EYA2: variants seen among roughly 807,000 people sequenced by gnomAD.
EYA2 encodes protein phosphatase EYA2.
A neutral mutation model predicts 69.2 loss-of-function variants in EYA2; 31 were observed. The ratio of observed to expected loss-of-function variants is 0.45; its 90% CI spans 0.34 to 0.60. The LOEUF (loss-of-function observed/expected upper bound fraction) is 0.60, where lower values mean the gene tolerates loss of function less well. Ranked by LOEUF, EYA2 falls within the 20% of genes least tolerant of loss-of-function variation. EYA2 has a pLI of 0.02. For missense variants in EYA2, 622 were observed against 701.2 expected (o/e 0.89, Z 1.28); for synonymous variants, 257 against 279.4 (o/e 0.92, Z 0.80).
Position 46,983,700 on chromosome 20 carries a change from A to C in EYA2, c.-10-6301A>C, listed in dbSNP as rs76030143. On this transcript the variant is annotated intron_variant, in intron 1 of 15. Transcript: ENST00000327619. Reference sequence around the variant, plus strand: ...ACCTCTGTGGTTCTCATATTTCTACAATCTTTGCTCCTGTGTCCTAACTAC... The same window carrying C: ...ACCTCTGTGGTTCTCATATTTCTACCATCTTTGCTCCTGTGTCCTAACTAC... 9.5e-3 allele frequency among the ~76,000 whole-genome samples: 1,442 copies of C among 152,254 alleles called. 27 individuals carry two copies. The highest frequency in any genetic ancestry group is 0.033 in the African/African-American group (1,363 of 41,526).
intron 9 of EYA2, among the ~76,000 whole-genome samples, chr20:47,122,374 A>G (rs1007241811): frequency 8.8e-5 from 13 of 148,536 alleles, no homozygotes; most frequent in African/African-American, 3.3e-4. Context: ...GCTCACTGCA[A>G]GCTCTGCCTG....
chr20:47,181,289 C>A (rs536392149), intron 14 of EYA2, among the ~76,000 whole-genome samples: 1 of 152,154 alleles, frequency 6.6e-6, no homozygotes, highest in African/African-American at 2.4e-5. Flanking sequence ...TGACCCTGTC[C>A]TCAGAGACAT....
At chr20:46,929,934 C>A (rs6066122) in intron 1 of EYA2, among the ~76,000 whole-genome samples, 11 of 152,176 alleles carry the variant, frequency 7.2e-5, no homozygotes, top group Admixed American at 3.9e-4. Context: ...AAAATGACCC[C>A]TCTGTAAAAG....
chr20:46,945,139 C>T (rs771526969), intron 1 of EYA2, among the ~76,000 whole-genome samples: 42 of 151,594 alleles, frequency 2.8e-4, no homozygotes, highest in Non-Finnish European at 5.4e-4. Context: ...GGTTGCAGTT[C>T]GCAATAGGAA....
chr20:47,029,297 C>G (rs1984270708), intron 5 of EYA2, among the ~76,000 whole-genome samples: 2 of 152,360 alleles, frequency 1.3e-5, no homozygotes, highest in African/African-American at 4.8e-5. Flanking sequence ...TGAAGTTGAA[C>G]AAGGGCTCAG....
At chr20:47,175,881 T>C (rs2034417189) in intron 12 of EYA2, among the ~76,000 whole-genome samples, 1 of 152,176 alleles carries the variant, frequency 6.6e-6, no homozygotes, top group African/African-American at 2.4e-5. Flanking sequence ...CTAGAGTTGA[T>C]AGACTAATGA....
chr20:46,943,190 G>C (rs1332962400), intron 1 of EYA2, among the ~76,000 whole-genome samples: 1 of 152,218 alleles, frequency 6.6e-6, no homozygotes, highest in Non-Finnish European at 1.5e-5. Flanking sequence ...CGTGCTGCGG[G>C]CGCCTAGTGG....
At chr20:46,931,483 C>T (rs1985664332) in intron 1 of EYA2, among the ~76,000 whole-genome samples, 1 of 152,196 alleles carries the variant, frequency 6.6e-6, no homozygotes, top group African/African-American at 2.4e-5. Context: ...ACCTCTTTGG[C>T]TCTCAGTTTT....
At chr20:46,942,109 T>G (rs1986179344) in intron 1 of EYA2, among the ~76,000 whole-genome samples, 1 of 152,186 alleles carries the variant, frequency 6.6e-6, no homozygotes, top group Admixed American at 6.5e-5. Flanking sequence ...TGTTACTGAG[T>G]TCTTATTAGT....
intron 5 of EYA2, among the ~76,000 whole-genome samples, chr20:47,019,095 C>T (rs1046581749): frequency 1.3e-5 from 2 of 152,306 alleles, no homozygotes; most frequent in Admixed American, 6.5e-5. Context: ...GCCAGGCAGT[C>T]GCCCAGGCAC....
At position 47,005,002 on chromosome 20, in the gene EYA2, G is replaced by A. The variant is rs758696730; in HGVS notation, c.216G>A (p.Thr72=). The A allele has an allele frequency of 7.2e-5, 117 of 1,613,940 alleles. No individual in the cohort carries two copies. Among genetic ancestry groups the A allele is most frequent in the Non-Finnish European group, 7.8e-5 (92 of 1,179,994 alleles). ...CAGCCATGGCAGCCTACGGCCAGACGCAGTACAGTGCGGGGATCCAGCAGG... is the reference window on the plus strand; with the variant it reads ...CAGCCATGGCAGCCTACGGCCAGACACAGTACAGTGCGGGGATCCAGCAGG... ...PSTAMAAYGQ[T]QYSAGIQQAT... The change falls in exon 4 of 16, where the codon ACG becomes ACA. Residue 72 remains threonine, a synonymous_variant. Coordinates refer to ENST00000327619, the MANE Select transcript of EYA2 (RefSeq NM_005244.5).
At position 46,971,108 on chromosome 20, in the gene EYA2, T is replaced by C. The variant is rs993229133; in HGVS notation, c.-10-18893T>C. Among the ~76,000 whole-genome samples, 49 of 126,290 alleles carry C rather than the reference T, an allele frequency of 3.9e-4. 1 individual carries two copies. The East Asian group carries it at 6.7e-3, about 17-fold the overall frequency. 82.9% of individuals were successfully genotyped at this position (126,290 alleles called of 152,430 possible). A position where few individuals can be genotyped will look rare whatever the true frequency, so the allele number is the denominator to read the frequency against. The stretch of plus-strand genomic sequence containing the variant: ...ACACACACACACACACACACACACA[T>C]GCACACACACGTAAATGCACTGAAG... On this transcript the variant is annotated intron_variant, in intron 1 of 15. Coordinates refer to ENST00000327619, the MANE Select transcript of EYA2 (RefSeq NM_005244.5).
chr20:47,104,097 AAT>A (rs1280615012), intron 9 of EYA2, among the ~76,000 whole-genome samples: 1 of 152,158 alleles, frequency 6.6e-6, no homozygotes, highest in Non-Finnish European at 1.5e-5. Context: ...CATCCTCATC[AAT>A]ATGTTATTGT....
chr20:47,187,365 G>A (rs55649359), intron 15 of EYA2, among the ~76,000 whole-genome samples: 11,437 of 144,610 alleles, frequency 0.079, 1,178 homozygotes, highest in African/African-American at 0.23. Flanking sequence ...AAGAAAGAAA[G>A]AAAAAAAAAA....
intron 9 of EYA2, among the ~76,000 whole-genome samples, chr20:47,112,717 A>G (rs1357976378): frequency 6.6e-6 from 1 of 152,026 alleles, no homozygotes; most frequent in East Asian, 1.9e-4. Flanking sequence ...TAATTCCACA[A>G]CCACCTTCTT....
chr20:47,087,636 C>T (rs2031937799), intron 7 of EYA2, among the ~76,000 whole-genome samples: 1 of 152,210 alleles, frequency 6.6e-6, no homozygotes, highest in African/African-American at 2.4e-5. Flanking sequence ...GGACCTGGGT[C>T]GGGGACAGTG....
chr20:47,079,210 T>G (rs1210256337), intron 7 of EYA2, among the ~76,000 whole-genome samples: 1 of 152,244 alleles, frequency 6.6e-6, no homozygotes, highest in African/African-American at 2.4e-5. Context: ...CAGAAATGTT[T>G]GGAGACTGTA....
intron 1 of EYA2, among the ~76,000 whole-genome samples, chr20:46,947,114 A>G (rs2146269682): frequency 6.6e-6 from 1 of 152,286 alleles, no homozygotes; most frequent in East Asian, 1.9e-4. Flanking sequence ...CTTCACAGAA[A>G]AGCTTGCTGA....
At chr20:47,019,616 C>G (rs1183140519) in intron 5 of EYA2, among the ~76,000 whole-genome samples, 1 of 152,060 alleles carries the variant, frequency 6.6e-6, no homozygotes. Context: ...AACTTTTAGG[C>G]CTGAAAATGC....
Sources: gnomAD v4.1 joint callset for allele counts (sites outside exome capture counted in the v4.1 genomes callset) on GRCh38, gnomAD v4.1.1 for gene constraint, MANE v1.5 for transcripts, NCBI Gene and HGNC (gene_info 2026-07-23, HGNC 2026-07-21) for gene names.